Variants in TMCO5A observed in about 807,000 individuals in gnomAD.
The protein encoded by TMCO5A is transmembrane and coiled-coil domains 5A.
A neutral mutation model predicts 42.3 loss-of-function variants in TMCO5A; 34 were observed. That is an observed-to-expected ratio of 0.80 (90% CI 0.61 to 1.07). The LOEUF (loss-of-function observed/expected upper bound fraction) is 1.07. Ranked by LOEUF, TMCO5A falls within the 50% of genes least tolerant of loss-of-function variation. The probability of loss-of-function intolerance (pLI) is 0.00; values close to 1 mark genes in which losing one functional copy is unlikely to be tolerated. For synonymous variants in TMCO5A, 131 were observed against 115.6 expected (o/e 1.13, Z -0.86); for missense variants, 357 against 327.9 (o/e 1.09, Z -0.69).
chr15:38,039,330 T>G, the TMCO5A span, among the ~76,000 whole-genome samples: 1 of 152,194 alleles, frequency 6.6e-6, no homozygotes, highest in Admixed American at 6.5e-5. Flanking sequence ...AGTTCAAGAT[T>G]ATAGCTTCAC....
chr15:38,020,375 C>A, the TMCO5A span: 1 of 151,968 alleles, frequency 6.6e-6, no homozygotes, highest in African/African-American at 2.4e-5. Flanking sequence ...ATTCAATGAA[C>A]CCTTGGAAGA....
chr15:37,946,231 T>C (rs1303985457), intron 10 of TMCO5A, among the ~76,000 whole-genome samples: 2 of 152,142 alleles, frequency 1.3e-5, no homozygotes, highest in Non-Finnish European at 2.9e-5. Flanking sequence ...TGTGTCTGTT[T>C]TTGTACTAGT....
chr15:37,988,533 G>C, the TMCO5A span, among the ~76,000 whole-genome samples: 1 of 151,866 alleles, frequency 6.6e-6, no homozygotes, highest in South Asian at 2.1e-4. Flanking sequence ...TATCTTCCTA[G>C]TTTGTTGAGT....
chr15:37,988,544 GT>G, the TMCO5A span, among the ~76,000 whole-genome samples: 1 of 151,838 alleles, frequency 6.6e-6, no homozygotes, highest in Admixed American at 6.6e-5. Context: ...TTTGTTGAGT[GT>G]TTTTAAAATC....
chr15:37,958,374 G>A (rs770935935), intron 11 of TMCO5A, among the ~76,000 whole-genome samples: 3 of 139,472 alleles, frequency 2.2e-5, no homozygotes, highest in Non-Finnish European at 4.7e-5. Flanking sequence ...AATCTACAAA[G>A]AACTTAAACA....
At chr15:38,022,922 AG>A in the TMCO5A span, among the ~76,000 whole-genome samples, 1 of 152,170 alleles carries the variant, frequency 6.6e-6, no homozygotes, top group Non-Finnish European at 1.5e-5. Context: ...AGATACAAAT[AG>A]ATTTGAATAA....
chr15:37,960,587 T>C (rs1011274015), intron 11 of TMCO5A, among the ~76,000 whole-genome samples: 1 of 152,078 alleles, frequency 6.6e-6, no homozygotes, highest in Non-Finnish European at 1.5e-5. Flanking sequence ...CTACTTTTAG[T>C]TGTTTAAAGA....
chr15:37,964,281 G>T (rs1595610346), intron 11 of TMCO5A, among the ~76,000 whole-genome samples: 1 of 152,164 alleles, frequency 6.6e-6, no homozygotes, highest in East Asian at 1.9e-4. Context: ...TCTGGGTTTA[G>T]CCACCCAGCA....
At chr15:37,967,821 G>A (rs1890591728), downstream of TMCO5A, 2 of 152,116 alleles carry the variant, frequency 1.3e-5, no homozygotes, top group Admixed American at 6.6e-5. Context: ...GGCAGGGAGG[G>A]GTCATTCTAG....
chr15:37,947,745 T>C, intron 11 of TMCO5A, 49 bp downstream of exon 11: 2 of 1,317,892 alleles, frequency 1.5e-6, no homozygotes, highest in South Asian at 2.4e-5. Flanking sequence ...GGGAGCCCTA[T>C]TTAGCTATTC....
At chr15:37,981,200 C>CAAAAAAAAA in the TMCO5A span, among the ~76,000 whole-genome samples, 26 of 65,318 alleles carry the variant, frequency 4.0e-4, 1 homozygote, top group African/African-American at 1.3e-3. Flanking sequence ...AGAAAGCCAG[C>CAAAAAAAAA]AAAAAAAAAA....
At chr15:37,974,077 A>G in the TMCO5A span, among the ~76,000 whole-genome samples, 1 of 152,180 alleles carries the variant, frequency 6.6e-6, no homozygotes, top group African/African-American at 2.4e-5. Flanking sequence ...TGCCTCACGT[A>G]TGTTGAACAA....
chr15:37,960,268 G>T (rs1235922198), intron 11 of TMCO5A, among the ~76,000 whole-genome samples: 1 of 151,920 alleles, frequency 6.6e-6, no homozygotes, highest in African/African-American at 2.4e-5. Context: ...CCACATATCA[G>T]TAATAACATA....
the TMCO5A span, chr15:38,020,644 T>C: frequency 6.6e-6 from 1 of 152,176 alleles, no homozygotes; most frequent in African/African-American, 2.4e-5. Context: ...TGGTGATGAA[T>C]ATGCTAATTA....
chr15:37,992,793 T>C, the TMCO5A span, among the ~76,000 whole-genome samples: 2 of 152,090 alleles, frequency 1.3e-5, no homozygotes. Flanking sequence ...GGGAGCTAAA[T>C]TATGAGAACA....
the TMCO5A span, among the ~76,000 whole-genome samples, chr15:37,991,874 T>C: frequency 6.6e-6 from 1 of 152,106 alleles, no homozygotes; most frequent in South Asian, 2.1e-4. Flanking sequence ...GATTAAAGAC[T>C]TAAATGTAAA....
the TMCO5A span, chr15:37,993,359 G>T: frequency 6.9e-6 from 1 of 143,938 alleles, no homozygotes; most frequent in Non-Finnish European, 1.5e-5. Flanking sequence ...CTTCCCCAGG[G>T]TTTGCTAATT....
the TMCO5A span, among the ~76,000 whole-genome samples, chr15:37,974,729 C>T: frequency 3.9e-5 from 6 of 152,056 alleles, no homozygotes; most frequent in Admixed American, 1.3e-4. Flanking sequence ...TATGGTTTTT[C>T]ACATCTCATT....
chr15:37,968,734 C>G (rs1200984305), downstream of TMCO5A, among the ~76,000 whole-genome samples: 1 of 152,042 alleles, frequency 6.6e-6, no homozygotes, highest in African/African-American at 2.4e-5. Context: ...AGGCGCCCAC[C>G]ACCACGCCCG....
Sources: allele counts gnomAD v4.1 joint callset (sites outside exome capture counted in the v4.1 genomes callset), GRCh38; gene constraint gnomAD v4.1.1; transcripts MANE v1.5; gene names NCBI Gene and HGNC (gene_info 2026-07-23, HGNC 2026-07-21).